TOX: variants seen among roughly 807,000 people sequenced by gnomAD.
TOX encodes thymocyte selection associated high mobility group box, also known as thymocyte selection-associated high mobility group box protein TOX.
In TOX, 11 loss-of-function variants were observed where a neutral mutation model predicts 53.7. That is an observed-to-expected ratio of 0.20 (90% CI 0.13 to 0.34). The LOEUF is 0.34. TOX is among the 10% of genes least tolerant of loss of function. TOX has a pLI of 1.00. For missense variants in TOX, 570 were observed against 664.6 expected (o/e 0.86, Z 1.56); for synonymous variants, 225 against 245.3 (o/e 0.92, Z 0.77).
At chr8:58,815,188 T>C in intron 7 of TOX, 150 bp downstream of exon 7, 2 of 1,017,998 alleles carry the variant, frequency 2.0e-6, no homozygotes, top group Non-Finnish European at 2.6e-6. Context: ...AGCAGATATT[T>C]GTTGAATATC....
At chr8:58,941,362 T>C (rs1485802982) in intron 2 of TOX, among the ~76,000 whole-genome samples, 1 of 152,208 alleles carries the variant, frequency 6.6e-6, no homozygotes, top group Non-Finnish European at 1.5e-5. Flanking sequence ...TAGCTATTAT[T>C]ACCCCCAGTT....
At chr8:58,971,475 A>C (rs1450796503) in intron 1 of TOX, among the ~76,000 whole-genome samples, 1 of 152,224 alleles carries the variant, frequency 6.6e-6, no homozygotes, top group Non-Finnish European at 1.5e-5. Context: ...ATTATGTCAG[A>C]TTTAGATGAG....
At chr8:59,019,291 T>A (rs987925603) in intron 1 of TOX, among the ~76,000 whole-genome samples, 2 of 152,212 alleles carry the variant, frequency 1.3e-5, no homozygotes, top group African/African-American at 4.8e-5. Flanking sequence ...GTTTTAAACA[T>A]GCATTGTTAA....
At chr8:58,902,349 T>G (rs1811746231) in intron 3 of TOX, among the ~76,000 whole-genome samples, 1 of 152,154 alleles carries the variant, frequency 6.6e-6, no homozygotes, top group Non-Finnish European at 1.5e-5. Flanking sequence ...ATTCAATCCA[T>G]CATCTGCATG....
intron 3 of TOX, among the ~76,000 whole-genome samples, chr8:58,854,357 C>T (rs570232231): frequency 6.6e-6 from 1 of 152,234 alleles, no homozygotes; most frequent in South Asian, 2.1e-4. Flanking sequence ...ATGTGGAGTT[C>T]CAGATTTATG....
chr8:58,881,537 C>A (rs1811382271), intron 3 of TOX, among the ~76,000 whole-genome samples: 1 of 151,904 alleles, frequency 6.6e-6, no homozygotes, highest in African/African-American at 2.4e-5. Context: ...CCAGCCTGGG[C>A]AACATAGCAA....
intron 1 of TOX, among the ~76,000 whole-genome samples, chr8:59,042,909 C>T (rs1803617911): frequency 6.6e-6 from 1 of 150,696 alleles, no homozygotes; most frequent in Non-Finnish European, 1.5e-5. Context: ...AGTTGATCAA[C>T]ATATTAGTCA....
At chr8:58,843,003 G>A (rs1810669952) in intron 4 of TOX, among the ~76,000 whole-genome samples, 1 of 152,176 alleles carries the variant, frequency 6.6e-6, no homozygotes, top group Non-Finnish European at 1.5e-5. Flanking sequence ...ATGCATTATA[G>A]AGTGTAACTC....
At chr8:59,075,444 A>G (rs1804275702) in intron 1 of TOX, among the ~76,000 whole-genome samples, 2 of 152,178 alleles carry the variant, frequency 1.3e-5, no homozygotes, top group South Asian at 2.1e-4. Context: ...AGATCGAGTG[A>G]GCAGGCTTTG....
intron 3 of TOX, among the ~76,000 whole-genome samples, chr8:58,911,906 T>C (rs1811915341): frequency 6.6e-6 from 1 of 152,190 alleles, no homozygotes; most frequent in South Asian, 2.1e-4. Flanking sequence ...TTCTCCATGT[T>C]GGTCAGGCTG....
intron 3 of TOX, among the ~76,000 whole-genome samples, chr8:58,910,121 A>C (rs1433313945): frequency 3.3e-5 from 5 of 152,218 alleles, no homozygotes; most frequent in Non-Finnish European, 7.3e-5. Context: ...TTGGTACAGT[A>C]ATACACAAAT....
At chr8:58,970,548 A>G (rs1225815753) in intron 1 of TOX, among the ~76,000 whole-genome samples, 1 of 152,186 alleles carries the variant, frequency 6.6e-6, no homozygotes, top group Non-Finnish European at 1.5e-5. Flanking sequence ...CCAGAAGGTA[A>G]TCCTTCCCTG....
intron 1 of TOX, among the ~76,000 whole-genome samples, chr8:59,102,373 A>G (rs536390275): frequency 2.4e-3 from 365 of 152,234 alleles, no homozygotes; most frequent in African/African-American, 8.1e-3. Flanking sequence ...GATTACAGGC[A>G]CATGCCACCA....
chr8:59,116,035 A>G (rs78646720), intron 1 of TOX, among the ~76,000 whole-genome samples: 5,709 of 152,238 alleles, frequency 0.038, 142 homozygotes, highest in Non-Finnish European at 0.055. Flanking sequence ...AAGCTTCAGG[A>G]AGAGAATATT....
intron 2 of TOX, among the ~76,000 whole-genome samples, chr8:58,953,969 C>T (rs1234182841): frequency 6.6e-6 from 1 of 151,768 alleles, no homozygotes; most frequent in Non-Finnish European, 1.5e-5. Context: ...TGAAATTAAA[C>T]AAATAGAGAG....
intron 1 of TOX, among the ~76,000 whole-genome samples, chr8:59,085,979 C>CTTTTTTT (rs35593177): frequency 1.4e-4 from 12 of 88,828 alleles, no homozygotes; most frequent in South Asian, 3.9e-4. Flanking sequence ...CTTTTCTTTT[C>CTTTTTTT]TTTTTTTTTT....
chr8:59,071,186 T>C (rs998581948), intron 1 of TOX, among the ~76,000 whole-genome samples: 1 of 152,162 alleles, frequency 6.6e-6, no homozygotes, highest in Non-Finnish European at 1.5e-5. Context: ...AGATTCCACT[T>C]GCAAGGAGGG....
At chr8:58,891,354 C>A (rs564955897) in intron 3 of TOX, among the ~76,000 whole-genome samples, 3 of 152,130 alleles carry the variant, frequency 2.0e-5, no homozygotes, top group African/African-American at 7.2e-5. Context: ...AAATAAAGAG[C>A]AGGGGAGGAG....
At chr8:58,920,933 C>T (rs189831823) in intron 3 of TOX, among the ~76,000 whole-genome samples, 1 of 152,052 alleles carries the variant, frequency 6.6e-6, no homozygotes, top group African/African-American at 2.4e-5. Flanking sequence ...ATTAATTATT[C>T]CCTTGAGATA....
Sources: allele counts gnomAD v4.1 joint callset (sites outside exome capture counted in the v4.1 genomes callset), GRCh38; gene constraint gnomAD v4.1.1; transcripts MANE v1.5; gene names NCBI Gene and HGNC (gene_info 2026-07-23, HGNC 2026-07-21).